KANSL1L: variants seen among roughly 807,000 people sequenced by gnomAD.
The protein encoded by KANSL1L is KAT8 regulatory NSL complex subunit 1 like.
A neutral mutation model predicts 108.6 loss-of-function variants in KANSL1L; 25 were observed. The ratio of observed to expected loss-of-function variants is 0.23; its 90% CI spans 0.17 to 0.32. The LOEUF (loss-of-function observed/expected upper bound fraction) is 0.32, where lower values mean the gene tolerates loss of function less well. Among genes scored for constraint, KANSL1L ranks in the 10% least tolerant of loss-of-function variants. The pLI is 1.00. For missense variants in KANSL1L, 1,137 were observed against 1,125.7 expected, an observed-to-expected ratio of 1.01 and a Z score of -0.14; for synonymous variants, 405 against 395.1, an observed-to-expected ratio of 1.03 and a Z score of -0.30.
At chr2:210,029,983 C>T (rs2093992326) in intron 9 of KANSL1L, 65 bp from the exon 10 acceptor site, 2 of 714,186 alleles carry the variant, frequency 2.8e-6, no homozygotes, top group African/African-American at 1.8e-5. Flanking sequence ...GAATTACTTT[C>T]CTAATTAGAT....
rs777418754 is a variant in KANSL1L at position 210,154,138 on chromosome 2, C to A, written c.445G>T (p.Val149Leu). 1 of 1,614,060 alleles carries A rather than the reference C, an allele frequency of 6.2e-7. No homozygotes were observed. Among genetic ancestry groups the A allele is most frequent in the Admixed American group, 1.7e-5 (1 of 60,016 alleles). Residue 149 changes from valine (V) to leucine (L), a missense_variant, in exon 2 of 15, where the codon GTA becomes TTA. Val to Leu is a conservative substitution (Grantham distance 32). Transcript: ENST00000281772. ...ATATTTGAATCCAGAATAATTTGTA[C>A]ATCTTTCATGCACTGGCTCGTGGTA... The part of the protein sequence containing the change: ...SDTTSQCMKD[V>L]QIILDSNITK...
chr2:210,028,689 A>C, intron 11 of KANSL1L, 156 bp downstream of exon 11: 1 of 592,296 alleles, frequency 1.7e-6, no homozygotes, highest in Non-Finnish European at 3.0e-6. Context: ...TATAACACTT[A>C]AGGCACGAGT....
chr2:210,043,796 TTTAA>T (rs1390754860), intron 7 of KANSL1L, 139 bp downstream of exon 7: 1 of 489,414 alleles, frequency 2.0e-6, no homozygotes, highest in East Asian at 3.4e-5. Flanking sequence ...CTACAACAAA[TTTAA>T]TTGTCAAGGC....
chr2:210,108,970 T>C (rs2094877950), intron 3 of KANSL1L, among the ~76,000 whole-genome samples: 1 of 152,144 alleles, frequency 6.6e-6, no homozygotes, highest in East Asian at 1.9e-4. Flanking sequence ...CATACTACTT[T>C]GTCATTCCTG....
Position 210,140,646 on chromosome 2 carries a change from T to C in KANSL1L, c.1089-11474A>G, listed in dbSNP as rs527268482. Among the ~76,000 whole-genome samples the C allele has an allele frequency of 3.3e-5, 5 of 152,316 alleles. No individual in the cohort carries two copies. The South Asian group carries it at 1.0e-3, about 32-fold the overall frequency. On this transcript the variant is annotated intron_variant, in intron 2 of 14. Transcript: ENST00000281772. ...TTGCTTTGGCTCATGGGGTCTTGCT[T>C]GGTTTTACATAAATTTTTGAATTTT...
intron 2 of KANSL1L, among the ~76,000 whole-genome samples, chr2:210,140,878 G>A (rs538303418): frequency 6.6e-6 from 1 of 152,132 alleles, no homozygotes; most frequent in South Asian, 2.1e-4. Context: ...TTATTCCTAA[G>A]TATGTTAGCA....
chr2:210,133,319 ATTT>A (rs572313519), intron 2 of KANSL1L, among the ~76,000 whole-genome samples: 2 of 151,940 alleles, frequency 1.3e-5, no homozygotes, highest in South Asian at 4.1e-4. Context: ...TTTAATTCAT[ATTT>A]TTTATTATTG....
chr2:210,111,134 CAAA>C (rs2094900364), intron 3 of KANSL1L, among the ~76,000 whole-genome samples: 1 of 150,578 alleles, frequency 6.6e-6, no homozygotes, highest in Non-Finnish European at 1.5e-5. Flanking sequence ...GAAATTAAAA[CAAA>C]TGAATGTGGA....
At chr2:210,031,568 TA>T (rs766810983) in intron 8 of KANSL1L, 22 bp from the exon 9 acceptor site, 2 of 1,452,630 alleles carry the variant, frequency 1.4e-6, no homozygotes, top group Non-Finnish European at 1.9e-6. Flanking sequence ...GAAAAGGAAA[TA>T]TTAAGTTTTA....
At chr2:210,144,419 C>G (rs1217123239) in intron 2 of KANSL1L, among the ~76,000 whole-genome samples, 1 of 152,188 alleles carries the variant, frequency 6.6e-6, no homozygotes, top group Non-Finnish European at 1.5e-5. Flanking sequence ...CTTCTCTCTT[C>G]TACTTCCTTA....
rs528893374 is a variant in KANSL1L at position 210,022,620 on chromosome 2, A to G, written c.*329T>C. The G allele has an allele frequency of 7.4e-5, 20 of 269,264 alleles. No individual in the cohort carries two copies. The highest frequency in any genetic ancestry group is 6.1e-4 in the South Asian group (13 of 21,218). 16.7% of individuals were successfully genotyped at this position (269,264 alleles called of 1,614,324 possible). A position where few individuals can be genotyped will look rare whatever the true frequency, so the allele number is the denominator to read the frequency against. The stretch of plus-strand genomic sequence containing the variant: ...CAGGTTTGTATGTATGTGTATATAT[A>G]TATGTATGTATGTATGGTGTGGGTA... On this transcript the variant is annotated 3_prime_UTR_variant, in exon 15 of 15. Coordinates refer to ENST00000281772, the MANE Select transcript of KANSL1L (RefSeq NM_152519.4).
At chr2:210,160,979 C>A (rs978970288) in intron 1 of KANSL1L, among the ~76,000 whole-genome samples, 1 of 149,580 alleles carries the variant, frequency 6.7e-6, no homozygotes, top group Non-Finnish European at 1.5e-5. Flanking sequence ...CACGCACATA[C>A]GGCCAATTTT....
At chr2:210,138,065 T>C (rs2095190863) in intron 2 of KANSL1L, among the ~76,000 whole-genome samples, 1 of 152,086 alleles carries the variant, frequency 6.6e-6, no homozygotes, top group Non-Finnish European at 1.5e-5. Flanking sequence ...ATAAGGTACA[T>C]CTATTAGAAA....
intron 3 of KANSL1L, among the ~76,000 whole-genome samples, chr2:210,107,619 C>A (rs1007820501): frequency 6.6e-5 from 10 of 151,648 alleles, no homozygotes; most frequent in Admixed American, 6.6e-4. Flanking sequence ...AGCTCTGCCT[C>A]CCGGGTTCAC....
chr2:210,027,636 C>A (rs2093955754), intron 11 of KANSL1L, among the ~76,000 whole-genome samples: 1 of 152,094 alleles, frequency 6.6e-6, no homozygotes, highest in South Asian at 2.1e-4. Context: ...CGCTGATAAA[C>A]TGGCCTGGCC....
chr2:210,153,265 A>T lies in KANSL1L; in HGVS notation c.1088+230T>A, dbSNP rs148319762. The T allele has an allele frequency of 4.6e-4, 175 of 383,534 alleles. 3 individuals carry two copies. In the East Asian group the frequency reaches 7.5e-3, roughly 16 times the overall value. 23.8% of individuals were successfully genotyped at this position (383,534 alleles called of 1,614,324 possible). On this transcript the variant is annotated intron_variant, in intron 2 of 14. Coordinates refer to ENST00000281772, the MANE Select transcript of KANSL1L (RefSeq NM_152519.4). ...GCTACTCAGGAAGCTAAAGCAGGAA[A>T]ATTGTTTGAACCCGGGAGGCGGAGG...
intron 8 of KANSL1L, among the ~76,000 whole-genome samples, chr2:210,035,562 T>C (rs781448016): frequency 5.2e-4 from 79 of 152,244 alleles, no homozygotes; most frequent in South Asian, 8.3e-4. Context: ...TCACTACACG[T>C]CTGCCTCCTG....
At chr2:210,116,073 A>G (rs975480173) in intron 3 of KANSL1L, among the ~76,000 whole-genome samples, 4 of 152,114 alleles carry the variant, frequency 2.6e-5, no homozygotes, top group Admixed American at 6.5e-5. Context: ...GAAGGGAGAG[A>G]CTCAGGACTG....
At chr2:210,136,088 G>A (rs1308077332) in intron 2 of KANSL1L, among the ~76,000 whole-genome samples, 3 of 152,128 alleles carry the variant, frequency 2.0e-5, no homozygotes, top group African/African-American at 7.2e-5. Flanking sequence ...GACTATCTGA[G>A]GTTGGAACTT....
Sources: allele counts gnomAD v4.1 joint callset (sites outside exome capture counted in the v4.1 genomes callset), GRCh38; gene constraint gnomAD v4.1.1; transcripts MANE v1.5; gene names NCBI Gene and HGNC (gene_info 2026-07-23, HGNC 2026-07-21).